LRP1B: variants seen among roughly 807,000 people sequenced by gnomAD.
LRP1B encodes LDL receptor related protein 1B, also known as low-density lipoprotein receptor-related protein 1B.
In LRP1B, 217 loss-of-function variants were observed where a neutral mutation model predicts 556.6. The ratio of observed to expected loss-of-function variants is 0.39; its 90% CI spans 0.35 to 0.44. LRP1B has a LOEUF of 0.44. Ranked by LOEUF, LRP1B falls within the 20% of genes least tolerant of loss-of-function variation. The probability of loss-of-function intolerance (pLI) is 1.00; values close to 1 mark genes in which losing one functional copy is unlikely to be tolerated. For synonymous variants in LRP1B, 2,047 were observed against 1,865.8 expected (o/e 1.10, Z -2.50); for missense variants, 5,053 against 5,620.8 (o/e 0.90, Z 3.23).
At chr2:140,586,705 G>A (rs1399893456) in intron 43 of LRP1B, 2 of 152,224 alleles carry the variant, frequency 1.3e-5, no homozygotes, top group Non-Finnish European at 2.9e-5. Flanking sequence ...CTGCTACTCC[G>A]ATAGGGTAGC....
chr2:140,270,233 A>C lies in LRP1B; in HGVS notation c.13247+9T>G. On this transcript the variant is annotated intron_variant, in intron 86 of 90. Transcript: ENST00000389484. ...TTATAAGATGCCCATGACTTGATTAAATACTCACAGACACACAGGTACATT... is the reference window on the plus strand; with the variant it reads ...TTATAAGATGCCCATGACTTGATTACATACTCACAGACACACAGGTACATT... 1 of 1,603,194 alleles carries C rather than the reference A, an allele frequency of 6.2e-7. No homozygotes were observed.
intron 7 of LRP1B, among the ~76,000 whole-genome samples, chr2:141,065,739 A>G (rs530468899): frequency 2.6e-5 from 4 of 152,030 alleles, no homozygotes; most frequent in South Asian, 2.1e-4. Flanking sequence ...AGGAATTTCA[A>G]TGGTGGTTTG....
intron 5 of LRP1B, among the ~76,000 whole-genome samples, chr2:141,246,182 C>T (rs1414973389): frequency 6.6e-5 from 10 of 152,010 alleles, no homozygotes; most frequent in African/African-American, 2.4e-4. Flanking sequence ...GGGTATATAC[C>T]ATGAAATAGA....
At chr2:141,653,784 T>C (rs1689891750) in intron 2 of LRP1B, among the ~76,000 whole-genome samples, 3 of 152,206 alleles carry the variant, frequency 2.0e-5, no homozygotes, top group Non-Finnish European at 2.9e-5. Context: ...CAATGAGGAC[T>C]AAAAATTCAA....
intron 1 of LRP1B, among the ~76,000 whole-genome samples, chr2:141,991,820 A>G (rs926371156): frequency 2.0e-5 from 3 of 152,038 alleles, no homozygotes; most frequent in Non-Finnish European, 4.4e-5. Context: ...ACTTGTCCCT[A>G]TTACTTGGTT....
intron 41 of LRP1B, among the ~76,000 whole-genome samples, chr2:140,669,774 T>A (rs1685414298): frequency 6.6e-6 from 1 of 152,136 alleles, no homozygotes; most frequent in African/African-American, 2.4e-5. Flanking sequence ...GATTAAGGAA[T>A]TTTTGTCCTA....
chr2:140,636,564 A>C (rs1253131759), intron 41 of LRP1B, among the ~76,000 whole-genome samples: 1 of 152,138 alleles, frequency 6.6e-6, no homozygotes, highest in Non-Finnish European at 1.5e-5. Context: ...CTCATTGTCT[A>C]TTCTTTAGCA....
intron 66 of LRP1B, among the ~76,000 whole-genome samples, chr2:140,408,001 A>T (rs1684818408): frequency 6.6e-6 from 1 of 152,070 alleles, no homozygotes; most frequent in South Asian, 2.1e-4. Flanking sequence ...CTCAGCCATA[A>T]AAAGGAATAA....
chr2:140,785,011 T>C (rs1352709010), intron 32 of LRP1B, among the ~76,000 whole-genome samples: 1 of 152,138 alleles, frequency 6.6e-6, no homozygotes, highest in African/African-American at 2.4e-5. Context: ...CAGACACATG[T>C]TGTCATGAAA....
chr2:142,028,472 A>C lies in LRP1B; in HGVS notation c.82+102176T>G, dbSNP rs554021769. On this transcript the variant is annotated intron_variant, in intron 1 of 90. Transcript: ENST00000389484. The stretch of plus-strand genomic sequence containing the variant: ...ATTCTGGCTTCTTTCACTTAGCTTA[A>C]TGCATTTTATATTTGCTGTGTGTAT... Among the ~76,000 whole-genome samples the C allele has an allele frequency of 5.3e-5, 8 of 152,068 alleles. No individual in the cohort carries two copies. The South Asian group carries it at 1.7e-3, about 31-fold the overall frequency.
At position 140,315,441 on chromosome 2, in the gene LRP1B, C is replaced by T. The variant is rs1684479229; in HGVS notation, c.12641-342G>A. 3.3e-5 allele frequency among the ~76,000 whole-genome samples: 5 copies of T among 152,128 alleles called. No homozygotes were observed. The South Asian group carries it at 1.0e-3, about 32-fold the overall frequency. The stretch of plus-strand genomic sequence containing the variant: ...CTTTTTTATTTTACTGAGACAGGGT[C>T]TTGCTCTGTCACCCAGACTGGTGGG... On this transcript the variant is annotated intron_variant, in intron 82 of 90. Coordinates refer to ENST00000389484, the MANE Select transcript of LRP1B (RefSeq NM_018557.3).
At chr2:140,349,363 C>A (rs1432150256) in intron 77 of LRP1B, among the ~76,000 whole-genome samples, 1 of 151,894 alleles carries the variant, frequency 6.6e-6, no homozygotes, top group Non-Finnish European at 1.5e-5. Flanking sequence ...AAGCAAAGAA[C>A]ATTTTGCCAA....
At chr2:141,559,416 T>C (rs1686067540) in intron 2 of LRP1B, among the ~76,000 whole-genome samples, 1 of 151,680 alleles carries the variant, frequency 6.6e-6, no homozygotes, top group Non-Finnish European at 1.5e-5. Flanking sequence ...CCAAATGAAA[T>C]TGATGCTGAT....
intron 3 of LRP1B, among the ~76,000 whole-genome samples, chr2:141,416,804 G>A (rs1414609683): frequency 6.6e-6 from 1 of 152,038 alleles, no homozygotes; most frequent in Non-Finnish European, 1.5e-5. Context: ...TTGGGGCAAG[G>A]AAAGAAGAAA....
At chr2:140,687,959 T>A (rs1574242368) in intron 41 of LRP1B, among the ~76,000 whole-genome samples, 1 of 152,128 alleles carries the variant, frequency 6.6e-6, no homozygotes. Context: ...TCACAGTATA[T>A]TGATTTCATC....
At chr2:141,581,142 ACT>A (rs1686946947) in intron 2 of LRP1B, among the ~76,000 whole-genome samples, 2 of 152,086 alleles carry the variant, frequency 1.3e-5, no homozygotes, top group Admixed American at 6.5e-5. Context: ...AGGTTGAAGC[ACT>A]CTCTATGAAC....
Position 142,091,269 on chromosome 2 carries a change from A to T in LRP1B, c.82+39379T>A, listed in dbSNP as rs1484771316. Among the ~76,000 whole-genome samples, 3 of 152,230 alleles carry T rather than the reference A, an allele frequency of 2.0e-5. No individual in the cohort carries two copies. In the South Asian group the frequency reaches 6.2e-4, roughly 32 times the overall value. ...TTACATGCTGCAGCTGAAGTGTTTA[A>T]AGAAAACAATGAGATTGAGATTGGA... On this transcript the variant is annotated intron_variant, in intron 1 of 90. Coordinates refer to ENST00000389484, the MANE Select transcript of LRP1B (RefSeq NM_018557.3).
At chr2:140,411,025 T>C (rs67850068) in intron 66 of LRP1B, among the ~76,000 whole-genome samples, 17,595 of 152,152 alleles carry the variant, frequency 0.12, 1,166 homozygotes, top group African/African-American at 0.18. Context: ...AGAAATTTGC[T>C]ATTTTCCAGT....
chr2:140,612,053 T>C (rs1205064617), intron 41 of LRP1B, among the ~76,000 whole-genome samples: 1 of 152,070 alleles, frequency 6.6e-6, no homozygotes, highest in Non-Finnish European at 1.5e-5. Flanking sequence ...CTGAAAAGAT[T>C]CTAATTTACA....
Sources: gnomAD v4.1 joint callset for allele counts (sites outside exome capture counted in the v4.1 genomes callset) on GRCh38, gnomAD v4.1.1 for gene constraint, MANE v1.5 for transcripts, NCBI Gene and HGNC (gene_info 2026-07-23, HGNC 2026-07-21) for gene names.